The following TEK variants were observed in gnomAD, a reference collection of about 807,000 sequenced individuals.
The protein encoded by TEK is angiopoietin-1 receptor.
TEK carries 43 observed loss-of-function variants against 131.8 expected under a neutral mutation model. The observed-to-expected ratio is 0.33, with a 90% confidence interval of 0.26 to 0.42. TEK has a LOEUF of 0.42. Ranked by LOEUF, TEK falls within the 10% of genes least tolerant of loss-of-function variation. The pLI is 1.00. For synonymous variants in TEK, 580 were observed against 491.6 expected (o/e 1.18, Z -2.38); for missense variants, 1,162 against 1,384.4 (o/e 0.84, Z 2.55).
chr9:27,149,684 T>A (rs555968432), intron 1 of TEK, among the ~76,000 whole-genome samples: 60 of 152,284 alleles, frequency 3.9e-4, no homozygotes, highest in African/African-American at 1.3e-3. Flanking sequence ...CCTTCTCTGT[T>A]GGGAGCAGAA....
At chr9:27,162,055 G>A (rs1823566181) in intron 2 of TEK, among the ~76,000 whole-genome samples, 2 of 152,272 alleles carry the variant, frequency 1.3e-5, no homozygotes, top group South Asian at 4.1e-4. Flanking sequence ...AACAATAACA[G>A]CATCTCAGGC....
Position 27,206,764 on chromosome 9 carries a change from G to A in TEK, c.2547G>A (p.Arg849=), listed in dbSNP as rs1266383439. 6.2e-7 allele frequency: 1 copy of A among 1,614,086 alleles called. No homozygotes were observed. The highest frequency in any genetic ancestry group is 1.7e-5 in the Admixed American group (1 of 60,016). ...CGCGCATCAAGAAGGATGGGTTACG[G>A]ATGGATGCTGCCATCAAAAGAATGA... is the stretch of plus-strand genomic sequence containing the variant. The part of the protein sequence containing the change: ...LKARIKKDGL[R]MDAAIKRMKE... Residue 849 remains arginine, a synonymous_variant, in exon 15 of 23, where the codon CGG becomes CGA. Transcript: ENST00000380036.
At chr9:27,202,631 C>T (rs1176978270) in intron 12 of TEK, among the ~76,000 whole-genome samples, 189 bp from the exon 13 acceptor site, 4 of 152,132 alleles carry the variant, frequency 2.6e-5, no homozygotes, top group Non-Finnish European at 1.5e-5. Flanking sequence ...TATGTGTTGC[C>T]ATTTCTCTGT....
chr9:27,129,147 C>A (rs1254272339), intron 1 of TEK, among the ~76,000 whole-genome samples: 1 of 152,044 alleles, frequency 6.6e-6, no homozygotes, highest in African/African-American at 2.4e-5. Context: ...TGAGATATGT[C>A]CTATCAATAC....
At chr9:27,146,939 C>A (rs1822945808) in intron 1 of TEK, among the ~76,000 whole-genome samples, 2 of 152,142 alleles carry the variant, frequency 1.3e-5, no homozygotes, top group South Asian at 2.1e-4. Flanking sequence ...CCGTGTTAGC[C>A]AGGATGGTCT....
rs182026429 is a variant in TEK, at chr9:27,115,906, C to T, written c.52+6264C>T. ...AGGCCATTTTAAGTAGGTTGTCCCT[C>T]ATTCTGTACATGTTGAAATTTAGCA... On this transcript the variant is annotated intron_variant, in intron 1 of 22. Coordinates refer to ENST00000380036, the MANE Select transcript of TEK (RefSeq NM_000459.5). Among the ~76,000 whole-genome samples the T allele has an allele frequency of 8.5e-5, 13 of 152,320 alleles. No homozygotes were observed. In the East Asian group the frequency reaches 2.3e-3, roughly 27 times the overall value.
intron 21 of TEK, among the ~76,000 whole-genome samples, chr9:27,224,291 G>A (rs1826215974): frequency 6.6e-6 from 1 of 152,066 alleles, no homozygotes; most frequent in African/African-American, 2.4e-5. Context: ...ACCCAAACCT[G>A]GCAGAGACAC....
At chr9:27,124,066 G>A (rs935822223) in intron 1 of TEK, among the ~76,000 whole-genome samples, 4 of 152,338 alleles carry the variant, frequency 2.6e-5, no homozygotes, top group Non-Finnish European at 4.4e-5. Flanking sequence ...GTGAGCCACC[G>A]CAGCTGGCGA....
intron 13 of TEK, among the ~76,000 whole-genome samples, chr9:27,204,010 C>G (rs1825314024): frequency 6.6e-6 from 1 of 152,176 alleles, no homozygotes; most frequent in African/African-American, 2.4e-5. Context: ...TATAGAAAAT[C>G]ATGGTTTTCA....
At chr9:27,227,579 C>T (rs936106952) in intron 21 of TEK, among the ~76,000 whole-genome samples, 8 of 152,144 alleles carry the variant, frequency 5.3e-5, no homozygotes, top group Admixed American at 2.6e-4. Flanking sequence ...CATAGATGGC[C>T]ATCTTTCTGC....
intron 1 of TEK, among the ~76,000 whole-genome samples, chr9:27,144,059 A>G (rs549036219): frequency 1.3e-5 from 2 of 152,292 alleles, no homozygotes; most frequent in East Asian, 3.9e-4. Flanking sequence ...TGAGGTGGGC[A>G]GAACACGAGG....
intron 1 of TEK, among the ~76,000 whole-genome samples, chr9:27,156,111 C>G (rs559946973): frequency 1.3e-5 from 2 of 152,212 alleles, no homozygotes; most frequent in African/African-American, 4.8e-5. Flanking sequence ...CCCGCACTTT[C>G]ATTTTTAACC....
At chr9:27,207,976 T>C (rs1825458629) in intron 15 of TEK, among the ~76,000 whole-genome samples, 1 of 152,118 alleles carries the variant, frequency 6.6e-6, no homozygotes, top group African/African-American at 2.4e-5. Flanking sequence ...GCAGTGAGGA[T>C]AGTGAGAGGA....
chr9:27,208,965 G>A (rs1351429396), intron 15 of TEK, among the ~76,000 whole-genome samples, 156 bp from the exon 16 acceptor site: 2 of 152,210 alleles, frequency 1.3e-5, no homozygotes, highest in South Asian at 4.1e-4. Context: ...TGTCAATAGT[G>A]CCAAGGCCGA....
chr9:27,192,431 G>T, intron 10 of TEK, 58 bp from the exon 11 acceptor site: 1 of 1,606,876 alleles, frequency 6.2e-7, no homozygotes, highest in South Asian at 1.1e-5. Flanking sequence ...CAACAACCCC[G>T]GCTTAAGGAA....
At chr9:27,137,756 C>G (rs565131881) in intron 1 of TEK, among the ~76,000 whole-genome samples, 41 of 152,300 alleles carry the variant, frequency 2.7e-4, no homozygotes, top group African/African-American at 7.9e-4. Flanking sequence ...TCTACCCACA[C>G]CTAAGAACAT....
At position 27,180,299 on chromosome 9, in the gene TEK, G is replaced by A. The variant is rs1301321963; in HGVS notation, c.961G>A (p.Glu321Lys). 2 of 1,613,936 alleles carry A rather than the reference G, an allele frequency of 1.2e-6. No homozygotes were observed. The highest frequency in any genetic ancestry group is 1.3e-5 in the African/African-American group (1 of 75,014). Reference sequence around the variant, plus strand: ...GCTTAGGTGCAGCTGCAACAATGGGGAGATGTGTGATCGCTTCCAAGGATG... The same window carrying A: ...GCTTAGGTGCAGCTGCAACAATGGGAAGATGTGTGATCGCTTCCAAGGATG... ...CKLRCSCNNG[E>K]MCDRFQGCLC... Residue 321 changes from glutamate to lysine, a missense_variant, in exon 7 of 23, where the codon GAG becomes AAG. Physicochemically the swap from Glu to Lys is moderately conservative, Grantham distance 56. Transcript: ENST00000380036.
chr9:27,124,814 A>T lies in TEK; in HGVS notation c.52+15172A>T, dbSNP rs368955067. On this transcript the variant is annotated intron_variant, in intron 1 of 22. Coordinates refer to ENST00000380036, the MANE Select transcript of TEK (RefSeq NM_000459.5). ...AAATTTAGAAAACACAAAGAAAATT[A>T]GTGACAGTACTAATATTTAATCCAT... Among the ~76,000 whole-genome samples the T allele has an allele frequency of 2.0e-4, 30 of 152,344 alleles. 1 individual carries two copies. The South Asian group carries it at 6.2e-3, about 32-fold the overall frequency.
At chr9:27,173,162 T>C in intron 5 of TEK, 60 bp from the exon 6 acceptor site, 1 of 1,600,422 alleles carries the variant, frequency 6.2e-7, no homozygotes, top group South Asian at 1.1e-5. Context: ...ATCTAAAGAA[T>C]TATGTATTTC....
Sources: gnomAD v4.1 joint callset for allele counts (sites outside exome capture counted in the v4.1 genomes callset) on GRCh38, gnomAD v4.1.1 for gene constraint, MANE v1.5 for transcripts, NCBI Gene and HGNC (gene_info 2026-07-23, HGNC 2026-07-21) for gene names.